The following TRERF1 variants were observed in gnomAD, a reference collection of about 807,000 sequenced individuals.
TRERF1 encodes transcriptional regulating factor 1.
In TRERF1, 27 loss-of-function variants were observed where a neutral mutation model predicts 122.9. The ratio of observed to expected loss-of-function variants is 0.22; its 90% CI spans 0.16 to 0.30. The LOEUF (loss-of-function observed/expected upper bound fraction) is 0.30, where lower values mean the gene tolerates loss of function less well. TRERF1 is among the 10% of genes least tolerant of loss of function. The pLI is 1.00. For missense variants in TRERF1, 1,248 were observed against 1,560.3 expected (o/e 0.80, Z 3.37); for synonymous variants, 636 against 641.7 (o/e 0.99, Z 0.13).
chr6:42,325,190 C>A (rs1054742802), intron 3 of TRERF1, among the ~76,000 whole-genome samples: 4 of 152,104 alleles, frequency 2.6e-5, no homozygotes, highest in Non-Finnish European at 4.4e-5. Flanking sequence ...AAATGCAAAT[C>A]AAAGCTATAA....
chr6:42,246,432 G>A (rs558644514), intron 14 of TRERF1, 24 bp downstream of exon 14: 176 of 1,499,134 alleles, frequency 1.2e-4, no homozygotes, highest in Non-Finnish European at 1.5e-4. Context: ...ATTTCAAGGG[G>A]GCAATGGGAA....
rs1784841128 is a variant in TRERF1 at position 42,294,888 on chromosome 6, G to T, written c.-259+5750C>A. Among the ~76,000 whole-genome samples, 2 of 152,178 alleles carry T rather than the reference G, an allele frequency of 1.3e-5. 1 individual carries two copies. The highest frequency in any genetic ancestry group is 4.1e-4 in the South Asian group (2 of 4,836). ...ACCAGGTAAGCTCTCCATGGGCAAG[G>T]TCAGTTGGATGGCATTAGTAATCAA... On this transcript the variant is annotated intron_variant, in intron 4 of 17. Transcript: ENST00000372922.
intron 2 of TRERF1, among the ~76,000 whole-genome samples, chr6:42,447,573 G>A (rs1582301034): frequency 6.6e-6 from 1 of 152,134 alleles, no homozygotes; most frequent in Non-Finnish European, 1.5e-5. Flanking sequence ...TCCTCCCTCA[G>A]CCACACAGTT....
intron 4 of TRERF1, among the ~76,000 whole-genome samples, chr6:42,274,326 G>C (rs1340440376): frequency 6.6e-6 from 1 of 152,148 alleles, no homozygotes; most frequent in Non-Finnish European, 1.5e-5. Flanking sequence ...GGCCCAGAGA[G>C]GTAATTTCTG....
chr6:42,261,147 TGAG>T (rs1777785101), intron 8 of TRERF1, among the ~76,000 whole-genome samples: 1 of 151,990 alleles, frequency 6.6e-6, no homozygotes. Flanking sequence ...AGAGAGGGGC[TGAG>T]GAGAATGGGG....
At chr6:42,320,596 CCT>C (rs746099300) in intron 3 of TRERF1, among the ~76,000 whole-genome samples, 3,578 of 150,820 alleles carry the variant, frequency 0.024, 74 homozygotes, top group African/African-American at 0.048. Flanking sequence ...ACCTCCTCCT[CCT>C]CCCAGGTTCA....
chr6:42,408,193 A>G, intron 2 of TRERF1, among the ~76,000 whole-genome samples: 1 of 136,014 alleles, frequency 7.4e-6, no homozygotes, highest in Non-Finnish European at 1.6e-5. Context: ...TCTTCCATTA[A>G]CTTCGCTATA....
rs1254600840 is a variant in TRERF1, at chr6:42,258,330, C to T, written c.2270-129G>A. Reference sequence around the variant, plus strand: ...CTACCCAGCTCCTGCCAGAGTTATCCTTGACAGTTTCCAGGGAGCTGGGTG... The same window carrying T: ...CTACCCAGCTCCTGCCAGAGTTATCTTTGACAGTTTCCAGGGAGCTGGGTG... On this transcript the variant is annotated intron_variant, in intron 9 of 17. Transcript: ENST00000372922. 20 of 789,314 alleles carry T rather than the reference C, an allele frequency of 2.5e-5. No individual in the cohort carries two copies. The Admixed American group carries it at 4.5e-4, about 18-fold the overall frequency. 48.9% of individuals were successfully genotyped at this position (789,314 alleles called of 1,614,324 possible). A position where few individuals can be genotyped will look rare whatever the true frequency, so the allele number is the denominator to read the frequency against.
chr6:42,259,742 T>A lies in TRERF1; in HGVS notation c.1885-19A>T. On this transcript the variant is annotated intron_variant, in intron 8 of 17. Transcript: ENST00000372922. The surrounding 1 kb of genome is among the most constrained non-coding windows in gnomAD (Gnocchi z 4.9). ...GGATTTCCTAAAACCGGAACAACGA[T>A]CTGATTCGAATACTTCAGCTTCCCC... The A allele has an allele frequency of 6.3e-7, 1 of 1,599,952 alleles. No individual in the cohort carries two copies. Among genetic ancestry groups the A allele is most frequent in the Non-Finnish European group, 8.5e-7 (1 of 1,179,832 alleles).
intron 3 of TRERF1, among the ~76,000 whole-genome samples, chr6:42,320,381 T>C (rs1400446816): frequency 2.0e-5 from 3 of 152,096 alleles, no homozygotes; most frequent in Non-Finnish European, 4.4e-5. Context: ...AGGACAACAA[T>C]TTAAACAGAT....
rs75539614 is a variant in TRERF1 at position 42,283,400 on chromosome 6, A to G, written c.-258-13552T>C. Among the ~76,000 whole-genome samples the G allele has an allele frequency of 5.9e-5, 9 of 152,312 alleles. No individual in the cohort carries two copies. In the East Asian group the frequency reaches 1.7e-3, roughly 29 times the overall value. On this transcript the variant is annotated intron_variant, in intron 4 of 17. Transcript: ENST00000372922. ...AATAATAAGGGTCAACTATGTATTT[A>G]TAATTGATATATATTCATAAAGAAA... is the stretch of plus-strand genomic sequence containing the variant.
At chr6:42,416,391 AAT>A (rs906735456) in intron 2 of TRERF1, among the ~76,000 whole-genome samples, 5 of 152,192 alleles carry the variant, frequency 3.3e-5, no homozygotes, top group African/African-American at 1.2e-4. Flanking sequence ...GGAGGTATCC[AAT>A]TATTTCTATA....
intron 2 of TRERF1, among the ~76,000 whole-genome samples, chr6:42,391,205 G>A (rs1777682645): frequency 1.3e-5 from 2 of 152,130 alleles, no homozygotes; most frequent in South Asian, 4.1e-4. Flanking sequence ...CATGGAGCAG[G>A]TGCTCAATAA....
In TRERF1 at chr6:42,436,023, C is replaced by T. The variant is rs141633024; in HGVS notation, c.-454+15154G>A. On this transcript the variant is annotated intron_variant, in intron 2 of 17. Coordinates refer to ENST00000372922, the Ensembl canonical transcript of TRERF1. ...AAATAAGTTATGGGACCCAGTGCCC[C>T]GTACACAGTAGGCACTCCATAAATA... 3.8e-3 allele frequency among the ~76,000 whole-genome samples: 579 copies of T among 151,688 alleles called. 7 individuals are homozygous for T. The highest frequency in any genetic ancestry group is 0.011 in the African/African-American group (456 of 41,380).
At chr6:42,240,891 TG>T (rs1158161743) in intron 15 of TRERF1, among the ~76,000 whole-genome samples, 1 of 150,886 alleles carries the variant, frequency 6.6e-6, no homozygotes, top group Non-Finnish European at 1.5e-5. Flanking sequence ...TACTGTTTTT[TG>T]TTTTTTGTTT....
intron 3 of TRERF1, among the ~76,000 whole-genome samples, chr6:42,321,268 A>C (rs1763411229): frequency 2.0e-5 from 3 of 152,124 alleles, no homozygotes; most frequent in Non-Finnish European, 4.4e-5. Flanking sequence ...GAAGCAGTAG[A>C]ACCAATCTAG....
chr6:42,254,864 A>G (rs1160011605), exon 13 of TRERF1: 1 of 1,614,206 alleles, frequency 6.2e-7, no homozygotes, highest in Non-Finnish European at 8.5e-7. Context: ...CATAGTGGTA[A>G]TTTGCTAAAG....
At chr6:42,390,973 C>A (rs188327467) in intron 2 of TRERF1, among the ~76,000 whole-genome samples, 16 of 152,334 alleles carry the variant, frequency 1.1e-4, no homozygotes, top group African/African-American at 3.1e-4. Flanking sequence ...AACTGAAAGA[C>A]TGAAATGCTT....
At chr6:42,329,391 G>A (rs997106049) in intron 3 of TRERF1, among the ~76,000 whole-genome samples, 4 of 152,056 alleles carry the variant, frequency 2.6e-5, no homozygotes, top group African/African-American at 9.7e-5. Flanking sequence ...AGTTCAAGGT[G>A]GGTCTTGGAA....
Sources: gnomAD v4.1 joint callset for allele counts (sites outside exome capture counted in the v4.1 genomes callset) on GRCh38, gnomAD v4.1.1 for gene constraint, Gnocchi (gnomAD v3.1) non-coding constraint, MANE v1.5 for transcripts, NCBI Gene and HGNC (gene_info 2026-07-23, HGNC 2026-07-21) for gene names.